Variants in AGK observed in about 807,000 individuals in gnomAD.
AGK encodes the protein acylglycerol kinase, mitochondrial.
AGK carries 52 observed loss-of-function variants against 66.4 expected under a neutral mutation model. The ratio of observed to expected loss-of-function variants is 0.78; its 90% CI spans 0.63 to 0.99. The LOEUF (loss-of-function observed/expected upper bound fraction) is 0.99. Among genes scored for constraint, AGK ranks in the 50% least tolerant of loss-of-function variants. The pLI is 0.00. For missense variants in AGK, 451 were observed against 506.6 expected (o/e 0.89, Z 1.05); for synonymous variants, 182 against 181.1 (o/e 1.00, Z -0.04).
intron 9 of AGK, among the ~76,000 whole-genome samples, chr7:141,625,922 G>A (rs1796929595): frequency 6.6e-6 from 1 of 152,072 alleles, no homozygotes; most frequent in Admixed American, 6.6e-5. Flanking sequence ...TGCTAGGTGG[G>A]AATAGAATTT....
rs1432763566 is a variant in AGK at position 141,555,339 on chromosome 7, T to TG, written c.-14-111dup. 15 of 629,580 alleles carry TG rather than the reference T, an allele frequency of 2.4e-5. No individual in the cohort carries two copies. The highest frequency in any genetic ancestry group is 3.1e-5 in the Non-Finnish European group (12 of 381,980). 39.0% of individuals were successfully genotyped at this position (629,580 alleles called of 1,614,324 possible). A position where few individuals can be genotyped will look rare whatever the true frequency, so the allele number is the denominator to read the frequency against. On this transcript the variant is annotated intron_variant, in intron 1 of 15. Coordinates refer to ENST00000649286, the MANE Select transcript of AGK (RefSeq NM_018238.4). This position sits in a 1 kb window ranked among gnomAD's most constrained non-coding sequence, Gnocchi z 4.2. Reference sequence around the variant, plus strand: ...AGTGGTAAGGAGGAAGAGGAGTGAGTGGGAAAAAAAGGAGTGAGAGAGGAT... The same window carrying TG: ...AGTGGTAAGGAGGAAGAGGAGTGAGTGGGGAAAAAAAGGAGTGAGAGAGGAT...
intron 5 of AGK, among the ~76,000 whole-genome samples, chr7:141,610,322 G>A (rs938444073): frequency 3.9e-5 from 6 of 152,126 alleles, no homozygotes; most frequent in Admixed American, 2.6e-4. Flanking sequence ...CTGAAATCCA[G>A]ACATTTAATT....
In AGK at chr7:141,653,632, G is replaced by A. The variant is rs1797618052; in HGVS notation, c.*708G>A. ...AATATGCATTTTTAAAAAGTCATCTGCCCTTCCCAGGTGATTCTGTAAGTT... is the reference window on the plus strand; with the variant it reads ...AATATGCATTTTTAAAAAGTCATCTACCCTTCCCAGGTGATTCTGTAAGTT... On this transcript the variant is annotated 3_prime_UTR_variant, in exon 16 of 16. Coordinates refer to ENST00000649286, the MANE Select transcript of AGK (RefSeq NM_018238.4). 1 of 152,180 alleles carries A rather than the reference G, an allele frequency of 6.6e-6. No homozygotes were observed. The highest frequency in any genetic ancestry group is 6.5e-5 in the Admixed American group (1 of 15,280). The allele number at this position is 152,180 out of a possible 1,614,324, so 9.4% of individuals were successfully genotyped here.
At chr7:141,559,752 CT>C (rs143023750) in intron 2 of AGK, among the ~76,000 whole-genome samples, 2,572 of 152,212 alleles carry the variant, frequency 0.017, 67 homozygotes, top group South Asian at 0.14. Context: ...TTATTGTACT[CT>C]TTAATTTCTT....
intron 9 of AGK, among the ~76,000 whole-genome samples, chr7:141,623,898 C>G (rs112112097): frequency 7.9e-5 from 12 of 152,158 alleles, no homozygotes; most frequent in African/African-American, 2.6e-4. Context: ...ACTTTAAGTT[C>G]AAGCCAATGC....
intron 2 of AGK, among the ~76,000 whole-genome samples, chr7:141,582,138 G>A (rs1356728819): frequency 2.6e-5 from 4 of 151,214 alleles, no homozygotes; most frequent in Admixed American, 6.6e-5. Context: ...GCCTTGGGCC[G>A]GTTGGACAGT....
chr7:141,597,890 CAAAAAAAAAAA>C (rs56295907), intron 4 of AGK, among the ~76,000 whole-genome samples: 165 of 71,390 alleles, frequency 2.3e-3, no homozygotes, highest in East Asian at 0.012. Context: ...GACTCTGTCT[CAAAAAAAAAAA>C]AAAAAAAAAA....
chr7:141,639,116 A>G (rs746720426), intron 11 of AGK, among the ~76,000 whole-genome samples: 4 of 152,234 alleles, frequency 2.6e-5, no homozygotes, highest in Non-Finnish European at 5.9e-5. Context: ...AAGAGTTTCG[A>G]GAAGCAAAAG....
rs1405191654 is a variant in AGK, at chr7:141,655,018, A to AAAAC, written c.*2098_*2101dup. The AAAAC allele has an allele frequency of 6.6e-6, 1 of 152,164 alleles. No homozygotes were observed. Among genetic ancestry groups the AAAAC allele is most frequent in the African/African-American group, 2.4e-5 (1 of 41,446 alleles). 9.4% of individuals were successfully genotyped at this position (152,164 alleles called of 1,614,324 possible). The stretch of plus-strand genomic sequence containing the variant: ...GGGAGGAAGGATGCTGTAGTATATG[A>AAAAC]AAACAAAAGTTTTCACCTGAGCTGA... On this transcript the variant is annotated 3_prime_UTR_variant, in exon 16 of 16. Transcript: ENST00000649286.
intron 2 of AGK, among the ~76,000 whole-genome samples, chr7:141,583,736 G>A (rs765632765): frequency 2.0e-5 from 3 of 151,916 alleles, no homozygotes; most frequent in Non-Finnish European, 4.4e-5. Flanking sequence ...CGGAGTTTTG[G>A]GTTCACGGAT....
intron 2 of AGK, among the ~76,000 whole-genome samples, chr7:141,560,987 G>T (rs1795335101): frequency 6.6e-6 from 1 of 152,026 alleles, no homozygotes; most frequent in Admixed American, 6.6e-5. Flanking sequence ...TAGAGACGGG[G>T]TTTCATCGTG....
chr7:141,615,165 G>A (rs1796678635), intron 7 of AGK, among the ~76,000 whole-genome samples: 1 of 152,194 alleles, frequency 6.6e-6, no homozygotes, highest in African/African-American at 2.4e-5. Flanking sequence ...AGTCTCTGTT[G>A]CACTAGTGCA....
At position 141,552,626 on chromosome 7, in the gene AGK, C is replaced by T. The variant is rs139535318; in HGVS notation, c.-15+1192C>T. On this transcript the variant is annotated intron_variant, in intron 1 of 15. Coordinates refer to ENST00000649286, the MANE Select transcript of AGK (RefSeq NM_018238.4). Reference sequence around the variant, plus strand: ...GTTGATGAGATTCAGGACACACTGCCGCAAAATATGACTCGTTGGCATTAG... The same window carrying T: ...GTTGATGAGATTCAGGACACACTGCTGCAAAATATGACTCGTTGGCATTAG... 6.6e-3 allele frequency among the ~76,000 whole-genome samples: 1,005 copies of T among 152,266 alleles called. 12 individuals are homozygous for T. The highest frequency in any genetic ancestry group is 0.024 in the African/African-American group (977 of 41,542).
intron 2 of AGK, among the ~76,000 whole-genome samples, chr7:141,579,320 A>G (rs550907355): frequency 1.4e-4 from 21 of 152,152 alleles, no homozygotes; most frequent in African/African-American, 5.1e-4. Context: ...AAGGGGTATG[A>G]GGGTTTCACT....
At chr7:141,651,983 T>C (rs1797572136) in intron 15 of AGK, among the ~76,000 whole-genome samples, 1 of 152,240 alleles carries the variant, frequency 6.6e-6, no homozygotes, top group Non-Finnish European at 1.5e-5. Context: ...TTTAACATTT[T>C]TTATAAAGGA....
intron 4 of AGK, among the ~76,000 whole-genome samples, chr7:141,599,903 G>A (rs1027651973): frequency 7.2e-5 from 11 of 152,148 alleles, no homozygotes; most frequent in Admixed American, 5.2e-4. Flanking sequence ...GATGGTTCTT[G>A]TGAAAATTTG....
intron 4 of AGK, among the ~76,000 whole-genome samples, chr7:141,600,799 G>T (rs1214428260): frequency 6.6e-6 from 1 of 152,106 alleles, no homozygotes; most frequent in African/African-American, 2.4e-5. Flanking sequence ...TTAGTAGTTT[G>T]GTCTGCTTTG....
At chr7:141,650,420 A>G (rs1440833810) in intron 14 of AGK, 3 of 754,944 alleles carry the variant, frequency 4.0e-6, no homozygotes, top group Non-Finnish European at 4.8e-6. Context: ...CGAAGCCACT[A>G]TGTTCTGCAT....
chr7:141,640,246 T>C (rs912783357), intron 11 of AGK, among the ~76,000 whole-genome samples: 9 of 152,134 alleles, frequency 5.9e-5, no homozygotes, highest in African/African-American at 2.2e-4. Context: ...AAGGTGTCCA[T>C]TGAAACAGCT....
Sources: allele counts gnomAD v4.1 joint callset (sites outside exome capture counted in the v4.1 genomes callset), GRCh38; gene constraint gnomAD v4.1.1; non-coding constraint Gnocchi (gnomAD v3.1); transcripts MANE v1.5; gene names NCBI Gene and HGNC (gene_info 2026-07-23, HGNC 2026-07-21).